The following PCDHGB4 variants were observed in gnomAD, a reference collection of about 807,000 sequenced individuals.
The protein encoded by PCDHGB4 is protocadherin gamma-B4.
In PCDHGB4, 38 loss-of-function variants were observed where a neutral mutation model predicts 60.5. The observed-to-expected ratio is 0.63, with a 90% confidence interval of 0.48 to 0.82. PCDHGB4 has a LOEUF of 0.82. Among genes scored for constraint, PCDHGB4 ranks in the 40% least tolerant of loss-of-function variants. PCDHGB4 has a pLI of 0.00. For synonymous variants in PCDHGB4, 456 were observed against 509.7 expected (o/e 0.89, Z 1.42); for missense variants, 1,109 against 1,209.6 (o/e 0.92, Z 1.23).
In PCDHGB4 at chr5:141,426,211, G is replaced by A. The variant is rs184669298; in HGVS notation, c.2397+35930G>A. On this transcript the variant is annotated intron_variant, in intron 1 of 3. Coordinates refer to ENST00000519479, the MANE Select transcript of PCDHGB4 (RefSeq NM_003736.4). ...TGGGAGCATTGAGTTTTCTATGTAT[G>A]GAAGTAAATATTTTAAAAGCACTTT... The A allele has an allele frequency of 7.7e-4, 121 of 157,870 alleles. 1 individual carries two copies. The highest frequency in any genetic ancestry group is 7.4e-4 in the South Asian group (4 of 5,398). 9.8% of individuals were successfully genotyped at this position (157,870 alleles called of 1,614,324 possible). A position where few individuals can be genotyped will look rare whatever the true frequency, so the allele number is the denominator to read the frequency against.
intron 1 of PCDHGB4, chr5:141,423,241 G>C: frequency 6.2e-7 from 1 of 1,613,954 alleles, no homozygotes; most frequent in Non-Finnish European, 8.5e-7. Context: ...CATCCCCGAA[G>C]TCCTGGCGGA....
rs1407225048 is a variant in PCDHGB4 at position 141,489,600 on chromosome 5, G to T, written c.2398-5207G>T. On this transcript the variant is annotated intron_variant, in intron 1 of 3. Coordinates refer to ENST00000519479, the MANE Select transcript of PCDHGB4 (RefSeq NM_003736.4). The surrounding 1 kb of genome is among the most constrained non-coding windows in gnomAD (Gnocchi z 4.5). ...ACCCCCTGGAGCTAATCCGTGTAGA[G>T]GTAGAGATCCTGGATCTCAATGACA... The T allele has an allele frequency of 7.4e-6, 12 of 1,613,916 alleles. 1 individual carries two copies. In the South Asian group the frequency reaches 1.2e-4, roughly 16 times the overall value.
At chr5:141,469,362 G>GT (rs1212141268) in intron 1 of PCDHGB4, among the ~76,000 whole-genome samples, 4 of 152,084 alleles carry the variant, frequency 2.6e-5, no homozygotes, top group Non-Finnish European at 5.9e-5. Flanking sequence ...GGATCATGAG[G>GT]TAAAGAGATC....
At chr5:141,392,107 C>T (rs1289551398) in intron 1 of PCDHGB4, 1 of 152,168 alleles carries the variant, frequency 6.6e-6, no homozygotes, top group Non-Finnish European at 1.5e-5. Flanking sequence ...AAAGCAACAA[C>T]TCTATAGAAA....
Position 141,389,941 on chromosome 5 carries a change from T to C in PCDHGB4, c.2057T>C (p.Leu686Pro), listed in dbSNP as rs772172943. 2.5e-6 allele frequency: 4 copies of C among 1,613,952 alleles called. No homozygotes were observed. In the African/African-American group the frequency reaches 5.3e-5, roughly 22 times the overall value. Residue 686 changes from leucine (L) to proline (P), a missense_variant, in exon 1 of 4, where the codon CTG (leucine) becomes CCG (proline). Physicochemically the swap from Leu to Pro is moderately conservative, Grantham distance 98. This residue lies in a region of PCDHGB4 where 1,068 missense variants were observed against 1,089.9 expected (regional missense o/e 0.98). Coordinates refer to ENST00000519479, the MANE Select transcript of PCDHGB4 (RefSeq NM_003736.4). ...RPDPSDLQAE[L>P]QFYLVVALAL... is the part of the protein sequence containing the mutation. ...GACCCCTCTGACCTCCAGGCTGAGC[T>C]GCAGTTTTACCTAGTGGTGGCCTTG...
rs2099730037 is a variant in PCDHGB4 at position 141,491,783 on chromosome 5, A to G, written c.2398-3024A>G. The G allele has an allele frequency of 1.3e-6, 2 of 1,539,618 alleles. No homozygotes were observed. The highest frequency in any genetic ancestry group is 2.2e-5 in the Admixed American group (1 of 46,412). On this transcript the variant is annotated intron_variant, in intron 1 of 3. Transcript: ENST00000519479. The surrounding 1 kb of genome is among the most constrained non-coding windows in gnomAD (Gnocchi z 6.9). ...CGTCCTCATAAGGGATTGAACTTGC[A>G]TCCACTCCTCTCCGGCCGGCTTGGT...
At chr5:141,474,881 C>A (rs2099356099) in intron 1 of PCDHGB4, among the ~76,000 whole-genome samples, 1 of 152,244 alleles carries the variant, frequency 6.6e-6, no homozygotes, top group South Asian at 2.1e-4. Context: ...AGCAGGAACT[C>A]TTAGAGGTTC....
chr5:141,491,954 C>CA lies in PCDHGB4; in HGVS notation c.2398-2847dup. 1 of 1,032,920 alleles carries CA rather than the reference C, an allele frequency of 9.7e-7. No homozygotes were observed. Among genetic ancestry groups the CA allele is most frequent in the Non-Finnish European group, 1.3e-6 (1 of 747,262 alleles). 64.0% of individuals were successfully genotyped at this position (1,032,920 alleles called of 1,614,324 possible). A position where few individuals can be genotyped will look rare whatever the true frequency, so the allele number is the denominator to read the frequency against. ...TGGGACCGACCCCCACCCCTACACTCAAAAAAGGCCGGGGCCTCCTTCGAG... is the reference window on the plus strand; with the variant it reads ...TGGGACCGACCCCCACCCCTACACTCAAAAAAAGGCCGGGGCCTCCTTCGAG... On this transcript the variant is annotated intron_variant, in intron 1 of 3. Coordinates refer to ENST00000519479, the MANE Select transcript of PCDHGB4 (RefSeq NM_003736.4). This position sits in a 1 kb window ranked among gnomAD's most constrained non-coding sequence, Gnocchi z 6.9.
In PCDHGB4 at chr5:141,389,935, C is replaced by A; in HGVS notation, c.2051C>A (p.Ala684Asp). 1 of 1,614,084 alleles carries A rather than the reference C, an allele frequency of 6.2e-7. No homozygotes were observed. Among genetic ancestry groups the A allele is most frequent in the Non-Finnish European group, 8.5e-7 (1 of 1,179,896 alleles). ...TDRPDPSDLQAELQFYLVVAL... is the reference protein window; with the variant it reads ...TDRPDPSDLQDELQFYLVVAL... ...CGCCCCGACCCCTCTGACCTCCAGG[C>A]TGAGCTGCAGTTTTACCTAGTGGTG... Residue 684 changes from alanine to aspartate, a missense_variant, in exon 1 of 4, where the codon GCT becomes GAT. This residue lies in a region of PCDHGB4 where 1,068 missense variants were observed against 1,089.9 expected (regional missense o/e 0.98). Transcript: ENST00000519479.
chr5:141,409,172 G>C (rs574905228), intron 1 of PCDHGB4: 1 of 1,614,006 alleles, frequency 6.2e-7, no homozygotes, highest in Non-Finnish European at 8.5e-7. Context: ...AGCGAAGGAC[G>C]GAGGTGGTCT....
At chr5:141,398,698 T>C (rs2093690457) in intron 1 of PCDHGB4, 2 of 1,613,680 alleles carry the variant, frequency 1.2e-6, no homozygotes, top group Admixed American at 1.7e-5. Flanking sequence ...TGGTAGTAAA[T>C]ACCCGGAACT....
intron 1 of PCDHGB4, among the ~76,000 whole-genome samples, chr5:141,457,729 T>A (rs950979422): frequency 2.0e-5 from 3 of 152,236 alleles, no homozygotes; most frequent in Non-Finnish European, 4.4e-5. Context: ...GAATTTCAGA[T>A]TAGACTTTTA....
chr5:141,394,007 A>G lies in PCDHGB4; in HGVS notation c.2397+3726A>G, dbSNP rs1230558462. The G allele has an allele frequency of 3.7e-6, 6 of 1,613,344 alleles. No homozygotes were observed. The East Asian group carries it at 1.3e-4, about 36-fold the overall frequency. Reference sequence around the variant, plus strand: ...TACCTTTTAAATTAGAAAAGTCAATAGGTAATTATTATAGATTAGTGACAA... The same window carrying G: ...TACCTTTTAAATTAGAAAAGTCAATGGGTAATTATTATAGATTAGTGACAA... On this transcript the variant is annotated intron_variant, in intron 1 of 3. Coordinates refer to ENST00000519479, the MANE Select transcript of PCDHGB4 (RefSeq NM_003736.4).
chr5:141,490,960 T>C lies in PCDHGB4; in HGVS notation c.2398-3847T>C. 1.9e-6 allele frequency: 3 copies of C among 1,613,794 alleles called. No homozygotes were observed. The highest frequency in any genetic ancestry group is 2.2e-5 in the South Asian group (2 of 91,030). On this transcript the variant is annotated intron_variant, in intron 1 of 3. Transcript: ENST00000519479. The surrounding 1 kb of genome is among the most constrained non-coding windows in gnomAD (Gnocchi z 5.4). ...GCACCCACGGCCAGACTGGGAACACTCAGCCCCCCAGCGTCTCCCTCGCTC... is the reference window on the plus strand; with the variant it reads ...GCACCCACGGCCAGACTGGGAACACCCAGCCCCCCAGCGTCTCCCTCGCTC...
At chr5:141,480,414 C>CA (rs10712552) in intron 1 of PCDHGB4, among the ~76,000 whole-genome samples, 44 of 147,474 alleles carry the variant, frequency 3.0e-4, no homozygotes, top group Non-Finnish European at 4.4e-4. Context: ...GACCCTGTCT[C>CA]AAAAAAAAAA....
Position 141,388,238 on chromosome 5 carries a change from C to G in PCDHGB4, c.354C>G (p.His118Gln), listed in dbSNP as rs546808390. 3.7e-6 allele frequency: 6 copies of G among 1,607,696 alleles called. No homozygotes were observed. Among genetic ancestry groups the G allele is most frequent in the Non-Finnish European group, 5.1e-6 (6 of 1,175,550 alleles). ...AVAENPLNFY[H>Q]VNVEIEDIND... ...CTGAAAATCCACTGAACTTTTATCA[C>G]GTGAATGTGGAGATCGAGGACATTA... The change falls in exon 1 of 4, where the codon CAC (histidine) becomes CAG (glutamine). Residue 118 changes from histidine to glutamine, a missense_variant. His to Gln is a conservative substitution (Grantham distance 24). Around this residue, in one of 2 missense-constraint regions of PCDHGB4, gnomAD observed 1,068 missense variants for 1,089.9 expected, o/e 0.98. Transcript: ENST00000519479.
At chr5:141,411,771 A>C (rs2095514402) in intron 1 of PCDHGB4, 1 of 151,946 alleles carries the variant, frequency 6.6e-6, no homozygotes, top group Non-Finnish European at 1.5e-5. Flanking sequence ...GGTCTCAGCT[A>C]CTCTGGTGGC....
At chr5:141,421,189 C>G in intron 1 of PCDHGB4, 1 of 1,477,674 alleles carries the variant, frequency 6.8e-7, no homozygotes, top group Non-Finnish European at 9.0e-7. Flanking sequence ...CACAACCAAC[C>G]AGCTCGAGAA....
At chr5:141,450,679 G>A (rs2098690217) in intron 1 of PCDHGB4, among the ~76,000 whole-genome samples, 2 of 151,914 alleles carry the variant, frequency 1.3e-5, no homozygotes, top group Non-Finnish European at 2.9e-5. Context: ...TAGAAACGGG[G>A]TTTTGCCATG....
Sources: gnomAD v4.1 joint callset for allele counts (sites outside exome capture counted in the v4.1 genomes callset) on GRCh38, gnomAD v4.1.1 for gene constraint, gnomAD v4.1.1 regional missense constraint, Gnocchi (gnomAD v3.1) non-coding constraint, MANE v1.5 for transcripts, NCBI Gene and HGNC (gene_info 2026-07-23, HGNC 2026-07-21) for gene names.